KIF16B: variants seen among roughly 807,000 people sequenced by gnomAD.
KIF16B encodes the protein kinesin-like protein KIF16B.
Under a neutral mutation model 156.3 loss-of-function variants are expected in KIF16B, and 98 were observed. The ratio of observed to expected loss-of-function variants is 0.63; its 90% confidence interval spans 0.53 to 0.74. The LOEUF is 0.74. Among genes scored for constraint, KIF16B ranks in the 30% least tolerant of loss-of-function variants. The pLI, the probability that KIF16B is intolerant of heterozygous loss-of-function variation, is 0.00. For missense variants in KIF16B, 1,421 were observed against 1,606.5 expected, an observed-to-expected ratio of 0.88 and a Z score of 1.97; for synonymous variants, 564 against 583.7, an observed-to-expected ratio of 0.97 and a Z score of 0.49.
intron 12 of KIF16B, among the ~76,000 whole-genome samples, chr20:16,462,861 A>G (rs1332513934): frequency 6.6e-6 from 1 of 152,214 alleles, no homozygotes; most frequent in Non-Finnish European, 1.5e-5. Context: ...CACATTCGAC[A>G]TGGAGGCTCC....
chr20:16,497,601 AG>A lies in KIF16B; in HGVS notation c.1242+11del. ...GTTATGATTTAAAAATATAAGTCAA[AG>A]TATCACTTACTCTTGCTTCATTCTG... is the stretch of plus-strand genomic sequence containing the variant. On this transcript the variant is annotated intron_variant, in intron 11 of 25. Transcript: ENST00000354981. The A allele has an allele frequency of 1.3e-6, 2 of 1,595,006 alleles. No homozygotes were observed. The highest frequency in any genetic ancestry group is 1.7e-6 in the Non-Finnish European group (2 of 1,163,524).
At chr20:16,558,491 T>C (rs2070936087) in intron 1 of KIF16B, among the ~76,000 whole-genome samples, 1 of 152,060 alleles carries the variant, frequency 6.6e-6, no homozygotes, top group South Asian at 2.1e-4. Flanking sequence ...GCCCCAGAGG[T>C]ATAAAAGAGG....
At chr20:16,465,482 T>A (rs914609855) in intron 12 of KIF16B, among the ~76,000 whole-genome samples, 1 of 152,196 alleles carries the variant, frequency 6.6e-6, no homozygotes, top group African/African-American at 2.4e-5. Flanking sequence ...CCTGTGCTAA[T>A]CCTTATTTCA....
At chr20:16,449,676 A>G (rs2067027765) in intron 12 of KIF16B, among the ~76,000 whole-genome samples, 1 of 152,260 alleles carries the variant, frequency 6.6e-6, no homozygotes. Flanking sequence ...AAGGTTATAA[A>G]ACTGAATGCA....
At chr20:16,533,476 T>C (rs1301726733) in intron 1 of KIF16B, among the ~76,000 whole-genome samples, 2 of 152,248 alleles carry the variant, frequency 1.3e-5, no homozygotes, top group Admixed American at 6.5e-5. Flanking sequence ...TAGTAATAGA[T>C]GGGTCTTAGG....
intron 20 of KIF16B, among the ~76,000 whole-genome samples, chr20:16,372,408 G>A (rs76590958): frequency 7.2e-5 from 11 of 152,184 alleles, no homozygotes; most frequent in Non-Finnish European, 1.5e-4. Flanking sequence ...AAACAGAGAT[G>A]AAGCCAAACA....
chr20:16,418,752 G>A (rs1211425107), intron 15 of KIF16B, among the ~76,000 whole-genome samples: 1 of 152,122 alleles, frequency 6.6e-6, no homozygotes, highest in Admixed American at 6.6e-5. Flanking sequence ...AAGCTCAACT[G>A]TGCATGCTCA....
intron 12 of KIF16B, among the ~76,000 whole-genome samples, chr20:16,482,067 C>A (rs7351652): frequency 3.6e-4 from 55 of 152,096 alleles, no homozygotes; most frequent in African/African-American, 1.3e-3. Flanking sequence ...ATGTAAAGTA[C>A]GAGATAAGAT....
intron 12 of KIF16B, among the ~76,000 whole-genome samples, chr20:16,454,511 C>T (rs1281579188): frequency 1.1e-4 from 17 of 151,312 alleles, no homozygotes. Flanking sequence ...TATTGTTGTC[C>T]CCGTAGATAA....
rs568890502 is a variant in KIF16B at position 16,407,571 on chromosome 20, A to G, written c.1613-1115T>C. On this transcript the variant is annotated intron_variant, in intron 15 of 25. Transcript: ENST00000354981. The stretch of plus-strand genomic sequence containing the variant: ...ACCAGAGGGCAAGAGGAAGTGTTCC[A>G]TGTTGGGTAATTGCAGAGAGAGTCT... 6.6e-5 allele frequency among the ~76,000 whole-genome samples: 10 copies of G among 152,222 alleles called. No homozygotes were observed. In the East Asian group the frequency reaches 1.5e-3, roughly 24 times the overall value.
At chr20:16,521,151 A>G (rs988809215) in intron 3 of KIF16B, among the ~76,000 whole-genome samples, 13 of 152,020 alleles carry the variant, frequency 8.6e-5, no homozygotes, top group Admixed American at 7.9e-4. Context: ...AGGGAACAAA[A>G]CTGGACAGAG....
rs1339799990 is a variant in KIF16B, at chr20:16,378,890, T to C, written c.3112A>G (p.Ser1038Gly). ...TGCTCTCTGCTGCCACTGTTCAGAC[T>C]GGCAAGTTTCTGCCTCTGCTCTTCA... Reference protein sequence around the residue: ...EIEEQRQKLASLNSGSREQSG... With the variant: ...EIEEQRQKLAGLNSGSREQSG... The change falls in exon 19 of 26, where the codon AGT (serine) becomes GGT (glycine). Residue 1038 changes from serine to glycine, a missense_variant. Ser to Gly is a moderately conservative substitution (Grantham distance 56). Transcript: ENST00000354981. 6.2e-7 allele frequency: 1 copy of C among 1,613,966 alleles called. No homozygotes were observed. Among genetic ancestry groups the C allele is most frequent in the Non-Finnish European group, 8.5e-7 (1 of 1,179,954 alleles).
At chr20:16,496,795 T>C (rs1453894322) in intron 11 of KIF16B, among the ~76,000 whole-genome samples, 1 of 152,216 alleles carries the variant, frequency 6.6e-6, no homozygotes, top group Non-Finnish European at 1.5e-5. Flanking sequence ...ATTAATGTTT[T>C]ACTGAGGCTA....
chr20:16,531,937 G>C (rs1014121789), intron 1 of KIF16B, among the ~76,000 whole-genome samples: 1 of 151,816 alleles, frequency 6.6e-6, no homozygotes, highest in Admixed American at 6.6e-5. Flanking sequence ...GTGTGGTGGC[G>C]GGCACCTGTA....
intron 23 of KIF16B, among the ~76,000 whole-genome samples, chr20:16,336,274 T>G (rs2064035276): frequency 6.6e-6 from 1 of 152,170 alleles, no homozygotes; most frequent in Non-Finnish European, 1.5e-5. Context: ...ATCTCTTAAT[T>G]GGTTATAAAA....
chr20:16,328,454 T>A (rs1232747209), intron 24 of KIF16B, among the ~76,000 whole-genome samples: 1 of 152,216 alleles, frequency 6.6e-6, no homozygotes, highest in Non-Finnish European at 1.5e-5. Flanking sequence ...TTGTTTTGAT[T>A]GTACATTTTA....
chr20:16,501,591 T>C (rs2328043), intron 10 of KIF16B, among the ~76,000 whole-genome samples: 16,343 of 152,126 alleles, frequency 0.11, 1,089 homozygotes, highest in East Asian at 0.33. Context: ...AGGAAACCCC[T>C]CAAATGCCCA....
chr20:16,545,720 C>T (rs2070381459), intron 1 of KIF16B, among the ~76,000 whole-genome samples: 1 of 152,110 alleles, frequency 6.6e-6, no homozygotes, highest in African/African-American at 2.4e-5. Context: ...AACATTCATA[C>T]TTATTTTTGT....
rs181569321 is a variant in KIF16B at position 16,570,418 on chromosome 20, G to C, written c.47+2811C>G. On this transcript the variant is annotated intron_variant, in intron 1 of 25. Coordinates refer to ENST00000354981, the MANE Select transcript of KIF16B (RefSeq NM_024704.5). Reference sequence around the variant, plus strand: ...CCAATATGAAAGTTTCAGATGTTTTGATCCCTTATGCTTCCGTGATCAATG... The same window carrying C: ...CCAATATGAAAGTTTCAGATGTTTTCATCCCTTATGCTTCCGTGATCAATG... 2.4e-3 allele frequency among the ~76,000 whole-genome samples: 366 copies of C among 152,226 alleles called. 1 individual carries two copies. The highest frequency in any genetic ancestry group is 8.4e-3 in the African/African-American group (348 of 41,552).
Sources: gnomAD v4.1 joint callset for allele counts (sites outside exome capture counted in the v4.1 genomes callset) on GRCh38, gnomAD v4.1.1 for gene constraint, MANE v1.5 for transcripts, NCBI Gene and HGNC (gene_info 2026-07-23, HGNC 2026-07-21) for gene names.